Variants in PTPRG observed in about 807,000 individuals in gnomAD.
PTPRG encodes the protein receptor-type tyrosine-protein phosphatase gamma.
In PTPRG, 102 loss-of-function variants were observed where a neutral mutation model predicts 165.3. The ratio of observed to expected loss-of-function variants is 0.62; its 90% CI spans 0.53 to 0.73. PTPRG has a LOEUF of 0.73. Among genes scored for constraint, PTPRG ranks in the 30% least tolerant of loss-of-function variants. PTPRG has a pLI of 0.00. For synonymous variants in PTPRG, 675 were observed against 669.5 expected, an observed-to-expected ratio of 1.01 and a Z score of -0.13; for missense variants, 1,866 against 1,861.4, an observed-to-expected ratio of 1.00 and a Z score of -0.05.
chr3:62,143,232 G>A (rs567255042), intron 6 of PTPRG, among the ~76,000 whole-genome samples: 17 of 152,184 alleles, frequency 1.1e-4, no homozygotes, highest in Admixed American at 2.6e-4. Context: ...CCAAAAGCTC[G>A]AAATAAGCCA....
chr3:61,738,551 C>T (rs2032852378), intron 1 of PTPRG, among the ~76,000 whole-genome samples: 2 of 140,296 alleles, frequency 1.4e-5, no homozygotes, highest in Admixed American at 7.2e-5. Context: ...GATGAATCTG[C>T]TTTTTTTTTT....
At chr3:61,834,406 G>A (rs2036399097) in intron 2 of PTPRG, among the ~76,000 whole-genome samples, 1 of 152,094 alleles carries the variant, frequency 6.6e-6, no homozygotes, top group Non-Finnish European at 1.5e-5. Context: ...ATTTAAAAAT[G>A]TGCTTCTAGC....
chr3:62,151,583 T>C (rs2106680166), intron 6 of PTPRG, among the ~76,000 whole-genome samples: 1 of 151,574 alleles, frequency 6.6e-6, no homozygotes, highest in Non-Finnish European at 1.5e-5. Flanking sequence ...TCCTTGAAGG[T>C]GGAATACGAG....
chr3:61,819,124 G>C (rs2035881147), intron 2 of PTPRG, among the ~76,000 whole-genome samples: 1 of 152,030 alleles, frequency 6.6e-6, no homozygotes, highest in South Asian at 2.1e-4. Context: ...AGTGTTATAT[G>C]CCAAAAAGAC....
At chr3:61,626,054 C>CAT (rs1202195951) in intron 1 of PTPRG, among the ~76,000 whole-genome samples, 1 of 148,772 alleles carries the variant, frequency 6.7e-6, no homozygotes, top group Non-Finnish European at 1.5e-5. Flanking sequence ...TTTTAGGCGA[C>CAT]ATTATGTGTT....
At chr3:61,958,125 T>C (rs1471288165) in intron 2 of PTPRG, among the ~76,000 whole-genome samples, 2 of 152,188 alleles carry the variant, frequency 1.3e-5, no homozygotes, top group Non-Finnish European at 2.9e-5. Flanking sequence ...TCTTCTTTTT[T>C]TTCTTTTTTC....
chr3:61,917,054 G>T (rs919428077), intron 2 of PTPRG, among the ~76,000 whole-genome samples: 1 of 152,168 alleles, frequency 6.6e-6, no homozygotes, highest in African/African-American at 2.4e-5. Context: ...GGACTGGAAT[G>T]CTACGGAATC....
At chr3:61,636,843 CAT>C (rs1701923516) in intron 1 of PTPRG, among the ~76,000 whole-genome samples, 1 of 152,106 alleles carries the variant, frequency 6.6e-6, no homozygotes, top group African/African-American at 2.4e-5. Context: ...TGATTAATCT[CAT>C]GTAGTATTTT....
At chr3:61,965,017 C>T (rs542007251) in intron 2 of PTPRG, among the ~76,000 whole-genome samples, 2 of 152,078 alleles carry the variant, frequency 1.3e-5, no homozygotes, top group Admixed American at 6.6e-5. Flanking sequence ...CCAAGGTGGG[C>T]GGATCACCTG....
At chr3:62,218,762 C>T (rs1262974903) in intron 12 of PTPRG, 89 bp from the exon 13 acceptor site, 9 of 1,476,814 alleles carry the variant, frequency 6.1e-6, no homozygotes, top group Non-Finnish European at 8.2e-6. Flanking sequence ...CGCCAGAAAC[C>T]ACACAAAACT....
chr3:61,844,840 GTTTCTAGAACAATT>G (rs2036761839), intron 2 of PTPRG, among the ~76,000 whole-genome samples: 1 of 152,046 alleles, frequency 6.6e-6, no homozygotes, highest in Admixed American at 6.6e-5. Flanking sequence ...GGCAACCCTA[GTTTCTAGAACAATT>G]TCATCAGACT....
intron 27 of PTPRG, among the ~76,000 whole-genome samples, chr3:62,282,470 T>A (rs1702486630): frequency 6.7e-6 from 1 of 149,492 alleles, no homozygotes; most frequent in Non-Finnish European, 1.5e-5. Flanking sequence ...CCTCAAGCAA[T>A]CCTCCCACCT....
chr3:61,936,271 A>G (rs11715069), intron 2 of PTPRG, among the ~76,000 whole-genome samples: 7,418 of 152,300 alleles, frequency 0.049, 281 homozygotes, highest in East Asian at 0.2. Flanking sequence ...GACTAAGACA[A>G]TTACCCTGTG....
intron 2 of PTPRG, among the ~76,000 whole-genome samples, chr3:61,950,161 C>T (rs1431214637): frequency 6.6e-6 from 1 of 152,170 alleles, no homozygotes; most frequent in African/African-American, 2.4e-5. Flanking sequence ...TTACAAGGTC[C>T]TTTTTAGCTT....
intron 4 of PTPRG, among the ~76,000 whole-genome samples, chr3:62,025,842 G>A (rs1250012713): frequency 6.6e-6 from 1 of 152,202 alleles, no homozygotes; most frequent in East Asian, 1.9e-4. Context: ...AAAATCTCTA[G>A]CAGTGGCTTC....
chr3:61,710,334 A>G (rs1416229819), intron 1 of PTPRG, among the ~76,000 whole-genome samples: 6 of 152,210 alleles, frequency 3.9e-5, no homozygotes, highest in Non-Finnish European at 8.8e-5. Context: ...ATATTTCACT[A>G]TGTGCCAGGC....
chr3:61,615,735 G>C (rs1013314104), intron 1 of PTPRG, among the ~76,000 whole-genome samples: 20 of 152,218 alleles, frequency 1.3e-4, no homozygotes, highest in Admixed American at 2.0e-4. Flanking sequence ...TTGATGCTCA[G>C]ATCTCTCCAC....
intron 1 of PTPRG, among the ~76,000 whole-genome samples, chr3:61,634,516 C>T (rs1388911185): frequency 1.3e-5 from 2 of 150,664 alleles, no homozygotes; most frequent in Admixed American, 6.6e-5. Flanking sequence ...GGATTACAGG[C>T]GCGTGAGCCA....
chr3:61,904,899 A>T (rs2107527953), intron 2 of PTPRG, among the ~76,000 whole-genome samples: 1 of 149,842 alleles, frequency 6.7e-6, no homozygotes. Context: ...CTTTGATTCT[A>T]ATTGGAAAGC....
Sources: allele counts gnomAD v4.1 joint callset (sites outside exome capture counted in the v4.1 genomes callset), GRCh38; gene constraint gnomAD v4.1.1; transcripts MANE v1.5; gene names NCBI Gene and HGNC (gene_info 2026-07-23, HGNC 2026-07-21).